The following PCDH11X variants were observed in gnomAD, a reference collection of about 807,000 sequenced individuals.
PCDH11X encodes protocadherin 11 X-linked, also known as protocadherin-11 X-linked.
A neutral mutation model predicts 53.3 loss-of-function variants in PCDH11X; 18 were observed. That is an observed-to-expected ratio of 0.34 (90% CI 0.23 to 0.50). The LOEUF (loss-of-function observed/expected upper bound fraction) is 0.50. Ranked by LOEUF, PCDH11X falls within the 20% of genes least tolerant of loss-of-function variation. The pLI is 0.98. For synonymous variants in PCDH11X, 279 were observed against 393.3 expected (o/e 0.71, Z 3.44); for missense variants, 570 against 1,032.4 (o/e 0.55, Z 6.14).
chrX:92,386,489 TC>T (rs1258041632), intron 8 of PCDH11X, among the ~76,000 whole-genome samples: 1 of 109,458 alleles, frequency 9.1e-6, no homozygotes, highest in Non-Finnish European at 1.9e-5. Flanking sequence ...GACATAAAAA[TC>T]AATAGTCCTT....
chrX:92,053,674 G>A (rs1227669422), intron 6 of PCDH11X, among the ~76,000 whole-genome samples: 1 of 107,398 alleles, frequency 9.3e-6, no homozygotes, highest in Non-Finnish European at 1.9e-5. Flanking sequence ...GGGTTCAAGC[G>A]ATTCTCCTGC....
At chrX:91,799,683 T>C (rs778797886) in intron 1 of PCDH11X, among the ~76,000 whole-genome samples, 67 of 112,549 alleles carry the variant, frequency 6.0e-4, no homozygotes, top group South Asian at 5.1e-3. Context: ...ATGTTAAACA[T>C]TTATATTCAT....
intron 6 of PCDH11X, among the ~76,000 whole-genome samples, chrX:92,014,457 C>G (rs1433298634): frequency 1.8e-5 from 2 of 108,727 alleles, no homozygotes; most frequent in African/African-American, 6.7e-5. Flanking sequence ...CTAGTTCAAC[C>G]ATTGTGGAAG....
At chrX:92,332,898 G>A (rs1358246416) in intron 8 of PCDH11X, among the ~76,000 whole-genome samples, 1 of 111,724 alleles carries the variant, frequency 9.0e-6, no homozygotes, top group African/African-American at 3.3e-5. Flanking sequence ...TTAAAGTTTA[G>A]AATAAAGTTG....
At chrX:92,358,011 A>G (rs1201278349) in intron 8 of PCDH11X, among the ~76,000 whole-genome samples, 1 of 110,059 alleles carries the variant, frequency 9.1e-6, no homozygotes, top group Non-Finnish European at 1.9e-5. Flanking sequence ...AGAATGGACA[A>G]TAATTGGTGA....
intron 5 of PCDH11X, among the ~76,000 whole-genome samples, chrX:91,865,859 G>C (rs1938953108): frequency 9.0e-6 from 1 of 111,447 alleles, no homozygotes; most frequent in South Asian, 3.8e-4. Context: ...TCAGCTTGTG[G>C]TGATTGCTGC....
intron 9 of PCDH11X, among the ~76,000 whole-genome samples, chrX:92,458,412 A>T (rs2072959005): frequency 9.4e-6 from 1 of 106,228 alleles, no homozygotes; most frequent in Non-Finnish European, 1.9e-5. Context: ...TTTAAAAATA[A>T]ACAACAAAAT....
At chrX:91,791,431 T>G (rs1227149073) in intron 1 of PCDH11X, among the ~76,000 whole-genome samples, 1 of 108,946 alleles carries the variant, frequency 9.2e-6, no homozygotes, top group Non-Finnish European at 1.9e-5. Flanking sequence ...ACGGAGCAGG[T>G]GCAGGTGCCA....
chrX:92,569,777 G>C (rs771365584), intron 10 of PCDH11X: 1 of 213,650 alleles, frequency 4.7e-6, no homozygotes, highest in South Asian at 5.2e-5. Context: ...CAGCACTTTG[G>C]GAGGCCGAGG....
chrX:92,282,241 G>A (rs2068266292), intron 8 of PCDH11X, among the ~76,000 whole-genome samples: 2 of 111,432 alleles, frequency 1.8e-5, no homozygotes, highest in Admixed American at 1.9e-4. Flanking sequence ...GACTAAGTTA[G>A]ATATTTATTT....
intron 1 of PCDH11X, among the ~76,000 whole-genome samples, chrX:91,798,772 T>A (rs1423859797): frequency 1.8e-5 from 2 of 111,161 alleles, no homozygotes; most frequent in African/African-American, 6.5e-5. Context: ...TTGAAAATTC[T>A]ACTTTTCACA....
At chrX:92,457,850 T>C (rs1229351112) in intron 9 of PCDH11X, among the ~76,000 whole-genome samples, 1 of 105,925 alleles carries the variant, frequency 9.4e-6, no homozygotes, top group Non-Finnish European at 1.9e-5. Context: ...AAATTTTTCT[T>C]TATGGATTTT....
intron 6 of PCDH11X, among the ~76,000 whole-genome samples, chrX:91,955,771 T>G (rs940602800): frequency 7.1e-5 from 8 of 112,009 alleles, no homozygotes; most frequent in African/African-American, 2.6e-4. Flanking sequence ...AGATTTCTAT[T>G]AGGTCCACTT....
At chrX:91,907,404 C>CAGAGAGAGAG (rs1941207859) in intron 6 of PCDH11X, among the ~76,000 whole-genome samples, 1 of 68,524 alleles carries the variant, frequency 1.5e-5, no homozygotes, top group African/African-American at 6.0e-5. Flanking sequence ...CACACACACA[C>CAGAGAGAGAG]ACACACACAG....
chrX:91,888,618 G>A (rs374114642), intron 6 of PCDH11X, among the ~76,000 whole-genome samples: 1 of 110,038 alleles, frequency 9.1e-6, no homozygotes, highest in Admixed American at 9.8e-5. Context: ...CCTAGATCAC[G>A]CCACTGCACT....
chrX:91,824,920 C>T (rs183602584), intron 4 of PCDH11X, among the ~76,000 whole-genome samples: 9,008 of 105,003 alleles, frequency 0.086, 1,556 homozygotes, highest in African/African-American at 0.33. Flanking sequence ...GCAGGTCTGT[C>T]GGAGTACCCT....
chrX:92,552,584 G>A (rs1248216414), intron 10 of PCDH11X, among the ~76,000 whole-genome samples: 1 of 108,776 alleles, frequency 9.2e-6, no homozygotes, highest in Non-Finnish European at 1.9e-5. Context: ...AATTACAGCA[G>A]TGAAAGTGGG....
intron 6 of PCDH11X, among the ~76,000 whole-genome samples, chrX:91,909,030 T>G (rs1282375432): frequency 9.0e-6 from 1 of 111,408 alleles, no homozygotes. Context: ...AACACAGTTA[T>G]GTAATTCTAA....
intron 10 of PCDH11X, among the ~76,000 whole-genome samples, chrX:92,583,054 C>T (rs1671116010): frequency 9.3e-6 from 1 of 107,930 alleles, no homozygotes; most frequent in African/African-American, 3.4e-5. Context: ...TTTACAGTCT[C>T]ATAGGTGGAA....
Sources: allele counts gnomAD v4.1 joint callset (sites outside exome capture counted in the v4.1 genomes callset), GRCh38; gene constraint gnomAD v4.1.1; transcripts MANE v1.5; gene names NCBI Gene and HGNC (gene_info 2026-07-23, HGNC 2026-07-21).